Variants in HGD observed in about 807,000 individuals in gnomAD.
HGD encodes homogentisate oxidase.
HGD carries 61 observed loss-of-function variants against 60.8 expected under a neutral mutation model. The observed-to-expected ratio is 1.00, with a 90% CI of 0.82 to 1.24. The LOEUF is 1.24. HGD is among the 50% of genes most tolerant of loss of function. HGD has a pLI of 0.00. For missense variants in HGD, 542 were observed against 547.1 expected, an observed-to-expected ratio of 0.99 and a Z score of 0.09; for synonymous variants, 212 against 187.7, an observed-to-expected ratio of 1.13 and a Z score of -1.06.
chr3:120,635,476 C>CAAA (rs149923580), intron 12 of HGD, among the ~76,000 whole-genome samples: 52 of 64,374 alleles, frequency 8.1e-4, no homozygotes, highest in Non-Finnish European at 8.7e-4. Context: ...GATTCCGTCT[C>CAAA]AAAAAAAAAA....
rs1402437099 is a variant in HGD, at chr3:120,638,500, G to C, written c.961C>G (p.Arg321Gly). Residue 321 changes from arginine (R) to glycine (G), a missense_variant, in exon 12 of 14, where the codon CGA (arginine) becomes GGA (glycine). This residue lies in a region of HGD where 537 missense variants were observed against 529.1 expected (regional missense o/e 1.01). Coordinates refer to ENST00000283871, the MANE Select transcript of HGD (RefSeq NM_000187.4). ...AAGGTCTTATCAGCAACCCCCCATCGAGGTGGGAAGATGACAAAATCAGCA... is the reference window on the plus strand; with the variant it reads ...AAGGTCTTATCAGCAACCCCCCATCCAGGTGGGAAGATGACAAAATCAGCA... The part of the protein sequence containing the change: ...AIADFVIFPP[R>G]WGVADKTFRP... 4 of 1,613,790 alleles carry C rather than the reference G, an allele frequency of 2.5e-6. No individual in the cohort carries two copies. In the East Asian group the frequency reaches 8.9e-5, roughly 36 times the overall value.
rs540184739 is a variant in HGD at position 120,656,563 on chromosome 3, T to TGG, written c.283-3914_283-3913dup. On this transcript the variant is annotated intron_variant, in intron 4 of 13. Transcript: ENST00000283871. ...AAGTAAATTTTTGAGATCTTTTTTT[T>TGG]GGGGGGGGGTTGGAGTCGCGCTCTG... is the stretch of plus-strand genomic sequence containing the variant. Among the ~76,000 whole-genome samples, 806 of 148,946 alleles carry TGG rather than the reference T, an allele frequency of 5.4e-3. 2 individuals are homozygous for TGG. The highest frequency in any genetic ancestry group is 0.015 in the African/African-American group (630 of 40,654).
intron 4 of HGD, among the ~76,000 whole-genome samples, chr3:120,668,510 G>A (rs1161950147): frequency 6.6e-6 from 1 of 152,062 alleles, no homozygotes; most frequent in Non-Finnish European, 1.5e-5. Flanking sequence ...GTTGTGGAAA[G>A]TGGCGGGGTG....
chr3:120,667,555 T>G (rs1479300677), intron 4 of HGD, among the ~76,000 whole-genome samples: 1 of 152,048 alleles, frequency 6.6e-6, no homozygotes, highest in South Asian at 2.1e-4. Flanking sequence ...ACATATTTTC[T>G]TTAAAGGTTA....
intron 4 of HGD, among the ~76,000 whole-genome samples, chr3:120,661,253 T>G (rs2107534011): frequency 6.6e-6 from 1 of 152,340 alleles, no homozygotes; most frequent in East Asian, 1.9e-4. Flanking sequence ...GTCTTGTACC[T>G]GGTCTTCCAA....
In HGD at chr3:120,675,797, C is replaced by A; in HGVS notation, c.82G>T (p.Gly28Ter). The change falls in exon 2 of 14, where the codon GGA becomes TGA. Residue 28 changes from glycine to a stop codon, truncating the protein, a stop_gained. Transcript: ENST00000283871. LOFTEE classifies it high-confidence loss of function. ...AGCACTTTATTTGCTCATACCTGTCCTTCTGGCAGGGAACCTGGGCAGCGA... is the reference window on the plus strand; with the variant it reads ...AGCACTTTATTTGCTCATACCTGTCATTCTGGCAGGGAACCTGGGCAGCGA... The part of the protein sequence containing the change: ...DPRCPGSLPE[G>*]QNNPQVCPYN... 6.2e-7 allele frequency: 1 copy of A among 1,612,822 alleles called. No homozygotes were observed. The highest frequency in any genetic ancestry group is 1.1e-5 in the South Asian group (1 of 91,066).
chr3:120,666,779 T>C (rs1157762879), intron 4 of HGD, among the ~76,000 whole-genome samples: 1 of 152,140 alleles, frequency 6.6e-6, no homozygotes, highest in African/African-American at 2.4e-5. Flanking sequence ...CCCAAAGTGC[T>C]GGGATTACAG....
At chr3:120,637,794 C>T (rs1007184515) in intron 12 of HGD, among the ~76,000 whole-genome samples, 1 of 152,176 alleles carries the variant, frequency 6.6e-6, no homozygotes, top group Non-Finnish European at 1.5e-5. Flanking sequence ...CTAAACTTTA[C>T]CAGCCTTTCT....
intron 4 of HGD, among the ~76,000 whole-genome samples, chr3:120,665,448 A>C (rs1195768577): frequency 6.6e-6 from 1 of 152,232 alleles, no homozygotes; most frequent in Non-Finnish European, 1.5e-5. Context: ...TGAAATCTGT[A>C]AAATCATGGT....
chr3:120,649,139 CTTTTTTTTTT>C (rs10572267), intron 6 of HGD, among the ~76,000 whole-genome samples: 3 of 94,424 alleles, frequency 3.2e-5, no homozygotes, highest in Admixed American at 1.2e-4. Flanking sequence ...TCTTCTTTTT[CTTTTTTTTTT>C]TTTTTTTTTT....
intron 13 of HGD, among the ~76,000 whole-genome samples, chr3:120,629,253 A>G (rs1940510505): frequency 6.6e-6 from 1 of 152,212 alleles, no homozygotes; most frequent in African/African-American, 2.4e-5. Flanking sequence ...GACTTTTCTT[A>G]TCCACTGTGG....
chr3:120,675,022 C>G, intron 2 of HGD, 33 bp from the exon 3 acceptor site: 2 of 1,476,768 alleles, frequency 1.4e-6, no homozygotes, highest in Non-Finnish European at 1.9e-6. Context: ...CAATATTACT[C>G]CCATCCGAAA....
chr3:120,682,168 G>A lies in HGD; in HGVS notation c.-57C>T. 6.5e-7 allele frequency: 1 copy of A among 1,540,692 alleles called. No individual in the cohort carries two copies. On this transcript the variant is annotated 5_prime_UTR_variant, in exon 1 of 14. Transcript: ENST00000283871. The stretch of plus-strand genomic sequence containing the variant: ...GAAACCCAGGCCCAGAGGATATAAA[G>A]CCACAATGCTTCTTTCTCCTTCAAA...
At chr3:120,638,347 C>T in intron 12 of HGD, 108 bp downstream of exon 12, 1 of 1,346,982 alleles carries the variant, frequency 7.4e-7, no homozygotes. Flanking sequence ...TGAATTCATG[C>T]CATGGTGGGT....
intron 4 of HGD, among the ~76,000 whole-genome samples, chr3:120,653,063 G>C (rs932563770): frequency 6.6e-6 from 1 of 152,128 alleles, no homozygotes; most frequent in Non-Finnish European, 1.5e-5. Flanking sequence ...GCCTCCCTGT[G>C]TGGGCTCCTG....
chr3:120,652,788 T>C, intron 4 of HGD, 137 bp from the exon 5 acceptor site: 1 of 661,706 alleles, frequency 1.5e-6, no homozygotes, highest in Non-Finnish European at 2.7e-6. Flanking sequence ...TTTTGTTATA[T>C]TAAAATGATT....
Position 120,656,615 on chromosome 3 carries a change from G to A in HGD, c.283-3964C>T, listed in dbSNP as rs981090507. On this transcript the variant is annotated intron_variant, in intron 4 of 13. Coordinates refer to ENST00000283871, the MANE Select transcript of HGD (RefSeq NM_000187.4). ...TACCCAGGCTGGAGTGCAGTGGCGCGATATTGGCTCACTGCAACCTCCACC... is the reference window on the plus strand; with the variant it reads ...TACCCAGGCTGGAGTGCAGTGGCGCAATATTGGCTCACTGCAACCTCCACC... 8.6e-5 allele frequency among the ~76,000 whole-genome samples: 13 copies of A among 151,996 alleles called. No homozygotes were observed. The East Asian group carries it at 9.7e-4, about 11-fold the overall frequency.
intron 4 of HGD, among the ~76,000 whole-genome samples, chr3:120,659,701 A>T (rs917018621): frequency 1.3e-5 from 2 of 152,186 alleles, no homozygotes; most frequent in African/African-American, 4.8e-5. Context: ...TTATCTTTAT[A>T]GCAATGTCCC....
intron 2 of HGD, 64 bp from the exon 3 acceptor site, chr3:120,675,053 A>C: frequency 9.2e-7 from 1 of 1,092,514 alleles, no homozygotes; most frequent in South Asian, 1.2e-5. Context: ...CTTCCCACCA[A>C]CCAACTCAGT....
Sources: gnomAD v4.1 joint callset for allele counts (sites outside exome capture counted in the v4.1 genomes callset) on GRCh38, gnomAD v4.1.1 for gene constraint, gnomAD v4.1.1 regional missense constraint, MANE v1.5 for transcripts, NCBI Gene and HGNC (gene_info 2026-07-23, HGNC 2026-07-21) for gene names.